Variants in PIK3CB observed in about 807,000 individuals in gnomAD.
The protein encoded by PIK3CB is phosphatidylinositol-4,5-bisphosphate 3-kinase catalytic subunit beta.
PIK3CB carries 39 observed loss-of-function variants against 136.8 expected under a neutral mutation model. The ratio of observed to expected loss-of-function variants is 0.29; its 90% CI spans 0.22 to 0.37. The LOEUF (loss-of-function observed/expected upper bound fraction) is 0.37, where lower values mean the gene tolerates loss of function less well. Among genes scored for constraint, PIK3CB ranks in the 10% least tolerant of loss-of-function variants. The probability of loss-of-function intolerance (pLI) is 1.00; values close to 1 mark genes in which losing one functional copy is unlikely to be tolerated. For missense variants in PIK3CB, 868 were observed against 1,275.4 expected, an observed-to-expected ratio of 0.68 and a Z score of 4.87; for synonymous variants, 428 against 436.6, an observed-to-expected ratio of 0.98 and a Z score of 0.25.
At chr3:138,810,946 G>A (rs1048891230) in intron 1 of PIK3CB, among the ~76,000 whole-genome samples, 1 of 151,768 alleles carries the variant, frequency 6.6e-6, no homozygotes, top group Non-Finnish European at 1.5e-5. Flanking sequence ...AATAAATGTC[G>A]GCCGGGCGCG....
At chr3:138,672,926 A>T (rs1212251899) in intron 19 of PIK3CB, among the ~76,000 whole-genome samples, 2 of 151,262 alleles carry the variant, frequency 1.3e-5, no homozygotes, top group African/African-American at 4.8e-5. Flanking sequence ...AAAAAAAAAA[A>T]AAAAGAGAGA....
At chr3:138,710,927 A>G (rs1029279398) in intron 10 of PIK3CB, among the ~76,000 whole-genome samples, 1 of 151,986 alleles carries the variant, frequency 6.6e-6, no homozygotes, top group Non-Finnish European at 1.5e-5. Flanking sequence ...TATTAAAAAT[A>G]CAAAAAATTA....
At chr3:138,657,466 A>G in intron 22 of PIK3CB, 1 of 469,184 alleles carries the variant, frequency 2.1e-6, no homozygotes, top group Non-Finnish European at 3.7e-6. Context: ...ATATTATTGG[A>G]ATAAAATATA....
In PIK3CB at chr3:138,771,588, A is replaced by G. The variant is rs538246638; in HGVS notation, c.-16-12229T>C. ...ATAATTATATGTAAGAGCTATTTCT[A>G]AAGTAATTCCACAAATTATTAAAGA... is the stretch of plus-strand genomic sequence containing the variant. On this transcript the variant is annotated intron_variant, in intron 2 of 23. Transcript: ENST00000674063. Among the ~76,000 whole-genome samples the G allele has an allele frequency of 2.6e-5, 4 of 152,326 alleles. No individual in the cohort carries two copies. The South Asian group carries it at 8.3e-4, about 32-fold the overall frequency.
intron 2 of PIK3CB, among the ~76,000 whole-genome samples, chr3:138,785,524 C>T (rs370820183): frequency 6.6e-6 from 1 of 152,166 alleles, no homozygotes; most frequent in Admixed American, 6.5e-5. Context: ...TACCCCCAAC[C>T]CCATGCTCTC....
chr3:138,699,425 T>C (rs2044202901), intron 12 of PIK3CB, among the ~76,000 whole-genome samples: 1 of 151,334 alleles, frequency 6.6e-6, no homozygotes, highest in African/African-American at 2.4e-5. Flanking sequence ...TGTGGGTGGG[T>C]GGACTGCCTG....
At chr3:138,753,076 T>C (rs946108623) in intron 4 of PIK3CB, among the ~76,000 whole-genome samples, 5 of 151,902 alleles carry the variant, frequency 3.3e-5, no homozygotes, top group South Asian at 2.1e-4. Flanking sequence ...AAAGAAAAAA[T>C]TAGCCAGACT....
Position 138,788,286 on chromosome 3 carries a change from A to G in PIK3CB, c.-17+8177T>C, listed in dbSNP as rs532990132. 5.5e-4 allele frequency among the ~76,000 whole-genome samples: 83 copies of G among 152,288 alleles called. 1 individual carries two copies. Among genetic ancestry groups the G allele is most frequent in the Non-Finnish European group, 1.1e-3 (72 of 68,022 alleles). On this transcript the variant is annotated intron_variant, in intron 2 of 23. Transcript: ENST00000674063. The stretch of plus-strand genomic sequence containing the variant: ...AGCATAAGGATTTGTGCTACTTCTA[A>G]AACTACCAGAAAACAGTGTATGATA...
At chr3:138,741,251 C>T (rs2045237772) in intron 5 of PIK3CB, among the ~76,000 whole-genome samples, 2 of 152,146 alleles carry the variant, frequency 1.3e-5, no homozygotes, top group African/African-American at 4.8e-5. Flanking sequence ...ACCAGAGACA[C>T]CTGGATGAAA....
At chr3:138,824,123 A>T (rs956216687) in intron 1 of PIK3CB, among the ~76,000 whole-genome samples, 13 of 152,186 alleles carry the variant, frequency 8.5e-5, no homozygotes, top group African/African-American at 3.1e-4. Context: ...ACAAGAAAAA[A>T]CTGTGGTCAG....
At chr3:138,702,225 C>A (rs2044269815) in intron 12 of PIK3CB, among the ~76,000 whole-genome samples, 2 of 150,656 alleles carry the variant, frequency 1.3e-5, no homozygotes, top group South Asian at 4.2e-4. Flanking sequence ...GTCCATGCCA[C>A]CACGCCCAGT....
chr3:138,689,781 C>G (rs1371328469), intron 15 of PIK3CB, among the ~76,000 whole-genome samples: 3 of 152,174 alleles, frequency 2.0e-5, no homozygotes, highest in Admixed American at 6.5e-5. Flanking sequence ...AGTTCAAAAG[C>G]TATGATATTC....
chr3:138,830,876 T>C (rs1458685128), intron 1 of PIK3CB, among the ~76,000 whole-genome samples: 1 of 149,224 alleles, frequency 6.7e-6, no homozygotes. Flanking sequence ...CACTCTAGCC[T>C]GGGCAACAGA....
At chr3:138,783,461 G>A (rs1019846591) in intron 2 of PIK3CB, among the ~76,000 whole-genome samples, 1 of 151,930 alleles carries the variant, frequency 6.6e-6, no homozygotes, top group African/African-American at 2.4e-5. Flanking sequence ...ATTTTTTGTA[G>A]AGACAAGATC....
At chr3:138,657,406 C>A in intron 22 of PIK3CB, 1 of 287,426 alleles carries the variant, frequency 3.5e-6, no homozygotes, top group East Asian at 8.2e-5. Flanking sequence ...ATCTTCCTAT[C>A]AACTGTCTTA....
chr3:138,712,791 T>G (rs2044531320), intron 9 of PIK3CB, among the ~76,000 whole-genome samples: 1 of 152,118 alleles, frequency 6.6e-6, no homozygotes, highest in African/African-American at 2.4e-5. Context: ...GGTCTCAAAC[T>G]CCTGACCTCA....
intron 2 of PIK3CB, among the ~76,000 whole-genome samples, chr3:138,762,744 G>C (rs1471903941): frequency 2.3e-4 from 35 of 152,060 alleles, no homozygotes; most frequent in Non-Finnish European, 8.8e-5. Flanking sequence ...GAGTGCTTGA[G>C]CCCAGGAGTT....
At position 138,828,919 on chromosome 3, in the gene PIK3CB, C is replaced by A. The variant is rs371709913; in HGVS notation, c.-122+5776G>T. ...TCTCCTGCTTCAGCCTCCAGAATAG[C>A]TGGGATTACAGGCGCATGCCACCAC... On this transcript the variant is annotated intron_variant, in intron 1 of 23. Transcript: ENST00000674063. Among the ~76,000 whole-genome samples the A allele has an allele frequency of 7.9e-4, 119 of 151,578 alleles. 2 individuals are homozygous for A. The highest frequency in any genetic ancestry group is 6.9e-3 in the Middle Eastern group (2 of 290).
At position 138,778,288 on chromosome 3, in the gene PIK3CB, C is replaced by T; in HGVS notation, c.-17+18175G>A. 8.0e-6 allele frequency: 3 copies of T among 373,242 alleles called. No individual in the cohort carries two copies. In the Admixed American group the frequency reaches 9.6e-5, roughly 12 times the overall value. 23.1% of individuals were successfully genotyped at this position (373,242 alleles called of 1,614,324 possible). ...AGCAAACCTTCTATACCACTAACTG[C>T]TTAGCACCACTGGCCAAGATCACCC... On this transcript the variant is annotated intron_variant, in intron 2 of 23. Coordinates refer to ENST00000674063, the MANE Select transcript of PIK3CB (RefSeq NM_006219.3).
Sources: gnomAD v4.1 joint callset for allele counts (sites outside exome capture counted in the v4.1 genomes callset) on GRCh38, gnomAD v4.1.1 for gene constraint, MANE v1.5 for transcripts, NCBI Gene and HGNC (gene_info 2026-07-23, HGNC 2026-07-21) for gene names.